GRIN2A: variants seen among roughly 807,000 people sequenced by gnomAD.
The protein encoded by GRIN2A is glutamate receptor ionotropic, NMDA 2A.
Under a neutral mutation model 113.4 loss-of-function variants are expected in GRIN2A, and 22 were observed. The ratio of observed to expected loss-of-function variants is 0.19; its 90% CI spans 0.14 to 0.28. The LOEUF (loss-of-function observed/expected upper bound fraction) is 0.28, where lower values mean the gene tolerates loss of function less well. Among genes scored for constraint, GRIN2A ranks in the 10% least tolerant of loss-of-function variants. The probability of loss-of-function intolerance (pLI) is 1.00; values close to 1 mark genes in which losing one functional copy is unlikely to be tolerated. For synonymous variants in GRIN2A, 827 were observed against 738.4 expected (o/e 1.12, Z -1.94); for missense variants, 1,502 against 1,887.0 (o/e 0.80, Z 3.78).
chr16:9,893,407 T>C (rs1225868359), intron 3 of GRIN2A, among the ~76,000 whole-genome samples: 1 of 152,194 alleles, frequency 6.6e-6, no homozygotes, highest in Non-Finnish European at 1.5e-5. Flanking sequence ...CACTATTCTA[T>C]CTGGTTTATT....
At chr16:9,890,863 G>C in intron 4 of GRIN2A, 123 bp downstream of exon 4, 1 of 715,856 alleles carries the variant, frequency 1.4e-6, no homozygotes, top group Non-Finnish European at 2.5e-6. Context: ...ACGTGCTCTT[G>C]GCTGTGAGAT....
chr16:9,977,359 T>G (rs1297332992), intron 2 of GRIN2A, among the ~76,000 whole-genome samples: 1 of 152,148 alleles, frequency 6.6e-6, no homozygotes, highest in Non-Finnish European at 1.5e-5. Context: ...CATTTGCTAA[T>G]TGAGTGATTT....
intron 2 of GRIN2A, among the ~76,000 whole-genome samples, chr16:10,034,479 C>T (rs1362194144): frequency 2.3e-5 from 3 of 133,318 alleles, no homozygotes; most frequent in Non-Finnish European, 4.6e-5. Context: ...GAGCCAAGAT[C>T]GTGTCACTGC....
intron 2 of GRIN2A, among the ~76,000 whole-genome samples, chr16:10,156,211 A>G (rs774429127): frequency 5.3e-5 from 8 of 152,192 alleles, no homozygotes; most frequent in Non-Finnish European, 8.8e-5. Flanking sequence ...GAGGTCAGCC[A>G]TTTCATGGCT....
intron 2 of GRIN2A, among the ~76,000 whole-genome samples, chr16:9,988,190 C>T (rs2046016785): frequency 1.3e-5 from 2 of 151,666 alleles, no homozygotes; most frequent in Admixed American, 1.3e-4. Flanking sequence ...GGGCAGGAAT[C>T]AAGAGTGAAG....
intron 2 of GRIN2A, among the ~76,000 whole-genome samples, chr16:10,124,024 T>C (rs1026510129): frequency 6.6e-6 from 1 of 152,144 alleles, no homozygotes; most frequent in African/African-American, 2.4e-5. Context: ...CCACCTTCTT[T>C]CCAGGCAGTA....
At chr16:9,806,355 T>C (rs2041966515) in intron 10 of GRIN2A, among the ~76,000 whole-genome samples, 1 of 152,260 alleles carries the variant, frequency 6.6e-6, no homozygotes, top group Admixed American at 6.5e-5. Context: ...TTGAGTCATC[T>C]ATGGATTTTT....
At position 10,105,491 on chromosome 16, in the gene GRIN2A, T is replaced by TG. The variant is rs552468085; in HGVS notation, c.414+74506_414+74507insC. Among the ~76,000 whole-genome samples, 5 of 147,784 alleles carry TG rather than the reference T, an allele frequency of 3.4e-5. No homozygotes were observed. In the East Asian group the frequency reaches 7.8e-4, roughly 23 times the overall value. ...AATTTTCAAACATAAGAAAACCATG[T>TG]AAAAAAAAAAAATCAATGGGGGAGG... On this transcript the variant is annotated intron_variant, in intron 2 of 12. Transcript: ENST00000330684.
intron 2 of GRIN2A, among the ~76,000 whole-genome samples, chr16:10,142,628 G>C (rs1366728231): frequency 6.6e-6 from 1 of 152,202 alleles, no homozygotes; most frequent in Non-Finnish European, 1.5e-5. Flanking sequence ...GAGCCCAGGA[G>C]TTCAAGGCTG....
chr16:9,970,366 G>T (rs1194054030), intron 2 of GRIN2A, among the ~76,000 whole-genome samples: 1 of 152,198 alleles, frequency 6.6e-6, no homozygotes, highest in African/African-American at 2.4e-5. Context: ...GTGTTTTGGT[G>T]CATTGCCCAC....
At position 9,915,159 on chromosome 16, in the gene GRIN2A, A is replaced by T. The variant is rs553529780; in HGVS notation, c.1007+22800T>A. Among the ~76,000 whole-genome samples, 5 of 151,190 alleles carry T rather than the reference A, an allele frequency of 3.3e-5. No individual in the cohort carries two copies. In the South Asian group the frequency reaches 1.1e-3, roughly 32 times the overall value. On this transcript the variant is annotated intron_variant, in intron 3 of 12. Coordinates refer to ENST00000330684, the MANE Select transcript of GRIN2A (RefSeq NM_001134407.3). ...CACCATGTTAGCTAGGATGGTCTTG[A>T]TCTCCTGACCTCATGATCCGCCCGC...
chr16:10,023,193 G>A (rs939362646), intron 2 of GRIN2A, among the ~76,000 whole-genome samples: 1 of 152,166 alleles, frequency 6.6e-6, no homozygotes, highest in Non-Finnish European at 1.5e-5. Flanking sequence ...CAAACAAAAA[G>A]AGGGCCACAG....
At chr16:10,044,101 A>G (rs1248821616) in intron 2 of GRIN2A, among the ~76,000 whole-genome samples, 1 of 151,302 alleles carries the variant, frequency 6.6e-6, no homozygotes, top group Non-Finnish European at 1.5e-5. Flanking sequence ...TAGCCCAGGC[A>G]GGAATACGGT....
rs1900246792 is a variant in GRIN2A, at chr16:9,753,511, A to G, written c.*9638T>C. 9.8e-6 allele frequency: 2 copies of G among 203,872 alleles called. No homozygotes were observed. The highest frequency in any genetic ancestry group is 3.3e-3 in the Middle Eastern group (2 of 608). 12.6% of individuals were successfully genotyped at this position (203,872 alleles called of 1,614,324 possible). On this transcript the variant is annotated 3_prime_UTR_variant, in exon 13 of 13. Coordinates refer to ENST00000330684, the MANE Select transcript of GRIN2A (RefSeq NM_001134407.3). ...GACCGGGCACTTCTGTTGCCTCAGG[A>G]GTTATATACATATCAGTTTGCACAC...
chr16:10,134,308 C>A (rs2049142342), intron 2 of GRIN2A, among the ~76,000 whole-genome samples: 1 of 152,090 alleles, frequency 6.6e-6, no homozygotes, highest in Non-Finnish European at 1.5e-5. Context: ...TGAGGCTCTA[C>A]CCTCTGAGTA....
Position 9,822,313 on chromosome 16 carries a change from T to G in GRIN2A, c.2119A>C (p.Lys707Gln). 6.2e-7 allele frequency: 1 copy of G among 1,613,450 alleles called. No individual in the cohort carries two copies. Among genetic ancestry groups the G allele is most frequent in the Non-Finnish European group, 8.5e-7 (1 of 1,179,376 alleles). ...TCCTCTACTCCTTTCTGATTAAATT[T>G]GGTCATGTACTGATGCATGTAGGGA... ...NYPYMHQYMT[K>Q]FNQKGVEDAL... Residue 707 changes from lysine to glutamine, a missense_variant, in exon 10 of 13, where the codon AAA (lysine) becomes CAA (glutamine). Lys to Gln is a moderately conservative substitution (Grantham distance 53). This residue lies in a region of GRIN2A where 101 missense variants were observed against 240.4 expected (regional missense o/e 0.42). Transcript: ENST00000330684.
rs78276287 is a variant in GRIN2A at position 10,028,208 on chromosome 16, A to G, written c.415-89657T>C. Among the ~76,000 whole-genome samples, 141 of 152,340 alleles carry G rather than the reference A, an allele frequency of 9.3e-4. 1 individual carries two copies. In the East Asian group the frequency reaches 0.012, roughly 13 times the overall value. ...AGGAACTGTGATTGTGCCCATTTCA[A>G]AGACGAGCAACCTGGGACACACAGA... is the stretch of plus-strand genomic sequence containing the variant. On this transcript the variant is annotated intron_variant, in intron 2 of 12. Transcript: ENST00000330684.
chr16:9,856,809 A>G (rs926437678), intron 4 of GRIN2A, among the ~76,000 whole-genome samples: 3 of 151,800 alleles, frequency 2.0e-5, no homozygotes, highest in Admixed American at 1.3e-4. Flanking sequence ...TGTCCAATTC[A>G]TATGGCAGAA....
At chr16:9,790,726 C>A (rs1008436116) in intron 11 of GRIN2A, among the ~76,000 whole-genome samples, 1 of 152,072 alleles carries the variant, frequency 6.6e-6, no homozygotes, top group South Asian at 2.1e-4. Context: ...AGTGTCCTTT[C>A]TAAAGAAAAT....
Sources: allele counts gnomAD v4.1 joint callset (sites outside exome capture counted in the v4.1 genomes callset), GRCh38; gene constraint gnomAD v4.1.1; regional missense constraint gnomAD v4.1.1; transcripts MANE v1.5; gene names NCBI Gene and HGNC (gene_info 2026-07-23, HGNC 2026-07-21).